The following SLC22A3 variants were observed in gnomAD, a reference collection of about 807,000 sequenced individuals.
SLC22A3 encodes the protein solute carrier family 22 member 3.
SLC22A3 carries 51 observed loss-of-function variants against 59.1 expected under a neutral mutation model. The observed-to-expected ratio is 0.86, with a 90% CI of 0.69 to 1.09. SLC22A3 has a LOEUF of 1.09. Among genes scored for constraint, SLC22A3 ranks in the 50% least tolerant of loss-of-function variants. The pLI is 0.00. For synonymous variants in SLC22A3, 325 were observed against 292.0 expected, an observed-to-expected ratio of 1.11 and a Z score of -1.15; for missense variants, 711 against 726.3, an observed-to-expected ratio of 0.98 and a Z score of 0.24.
At chr6:160,433,487 A>G (rs1430007690) in intron 5 of SLC22A3, among the ~76,000 whole-genome samples, 1 of 151,728 alleles carries the variant, frequency 6.6e-6, no homozygotes, top group Non-Finnish European at 1.5e-5. Context: ...GTTCAAGACC[A>G]GCCTGGGCAA....
intron 1 of SLC22A3, among the ~76,000 whole-genome samples, chr6:160,379,948 T>G (rs1435238543): frequency 6.6e-6 from 1 of 152,206 alleles, no homozygotes; most frequent in South Asian, 2.1e-4. Flanking sequence ...ATATAAGGTA[T>G]ACAAAATCAA....
intron 9 of SLC22A3, among the ~76,000 whole-genome samples, chr6:160,444,428 G>A (rs1419981428): frequency 6.6e-6 from 1 of 152,094 alleles, no homozygotes; most frequent in East Asian, 1.9e-4. Context: ...TCTCTCTATG[G>A]ATATCATATC....
intron 1 of SLC22A3, among the ~76,000 whole-genome samples, chr6:160,368,799 C>T (rs1025869890): frequency 2.0e-5 from 3 of 152,230 alleles, no homozygotes; most frequent in African/African-American, 4.8e-5. Flanking sequence ...ACCCCTGTGG[C>T]TGGCGCAGGT....
intron 5 of SLC22A3, chr6:160,426,013 G>A: frequency 1.0e-6 from 1 of 985,370 alleles, no homozygotes; most frequent in Non-Finnish European, 1.2e-6. Flanking sequence ...CCGCACAAAG[G>A]ACGTACCAGT....
chr6:160,375,097 ATG>A (rs1348069370), intron 1 of SLC22A3, among the ~76,000 whole-genome samples: 1 of 152,202 alleles, frequency 6.6e-6, no homozygotes, highest in East Asian at 1.9e-4. Context: ...TGGTAGCAGC[ATG>A]TCTTTCCAGA....
intron 2 of SLC22A3, among the ~76,000 whole-genome samples, chr6:160,400,678 A>G (rs1786736661): frequency 7.2e-6 from 1 of 139,040 alleles, no homozygotes; most frequent in African/African-American, 2.7e-5. Context: ...ACACACACAC[A>G]CAGTTGAAGA....
intron 5 of SLC22A3, among the ~76,000 whole-genome samples, chr6:160,413,434 C>A (rs77852081): frequency 0.042 from 6,359 of 152,246 alleles, 397 homozygotes; most frequent in African/African-American, 0.14. Flanking sequence ...AATCTCTATG[C>A]ATATCCCTCA....
At chr6:160,438,586 A>G (rs531057926) in intron 7 of SLC22A3, among the ~76,000 whole-genome samples, 2 of 68,170 alleles carry the variant, frequency 2.9e-5, no homozygotes, top group East Asian at 7.1e-4. Flanking sequence ...CGGAACACAC[A>G]CACACACACA....
intron 1 of SLC22A3, among the ~76,000 whole-genome samples, chr6:160,364,447 A>G (rs550491087): frequency 6.6e-6 from 1 of 152,352 alleles, no homozygotes; most frequent in African/African-American, 2.4e-5. Context: ...AGCGTTGACA[A>G]TAACTGCAGT....
At chr6:160,438,418 T>C (rs1362648183) in intron 7 of SLC22A3, among the ~76,000 whole-genome samples, 3 of 152,180 alleles carry the variant, frequency 2.0e-5, no homozygotes, top group Non-Finnish European at 4.4e-5. Flanking sequence ...CTGTCTTTCT[T>C]TGAGAATCCT....
At chr6:160,352,061 G>A (rs148251362) in intron 1 of SLC22A3, among the ~76,000 whole-genome samples, 4 of 152,034 alleles carry the variant, frequency 2.6e-5, no homozygotes, top group African/African-American at 4.8e-5. Context: ...TTCATTTTAC[G>A]GTGTCAGGAT....
intron 2 of SLC22A3, among the ~76,000 whole-genome samples, chr6:160,404,536 C>T (rs1485620188): frequency 6.6e-6 from 1 of 151,982 alleles, no homozygotes; most frequent in African/African-American, 2.4e-5. Flanking sequence ...TGTATATATT[C>T]AATACAATAC....
At chr6:160,425,644 A>G (rs1787924128) in intron 5 of SLC22A3, among the ~76,000 whole-genome samples, 1 of 152,190 alleles carries the variant, frequency 6.6e-6, no homozygotes, top group South Asian at 2.1e-4. Flanking sequence ...ACATGCATAT[A>G]AGACATGTCT....
At chr6:160,417,178 A>G (rs1787531858) in intron 5 of SLC22A3, among the ~76,000 whole-genome samples, 1 of 152,222 alleles carries the variant, frequency 6.6e-6, no homozygotes, top group Non-Finnish European at 1.5e-5. Flanking sequence ...ATTGCGCCCA[A>G]GGAGCAGAAG....
rs1392728473 is a variant in SLC22A3, at chr6:160,415,327, CA to C, written c.975+4482del. Among the ~76,000 whole-genome samples, 1 of 152,170 alleles carries C rather than the reference CA, an allele frequency of 6.6e-6. No individual in the cohort carries two copies. Among genetic ancestry groups the C allele is most frequent in the Non-Finnish European group, 1.5e-5 (1 of 68,036 alleles). Reference sequence around the variant, plus strand: ...CAGAAGGACTGGCCAGCAGGGTAGGCACTGTACTTGAACTCCAACCCCAAAA... The same window carrying C: ...CAGAAGGACTGGCCAGCAGGGTAGGCCTGTACTTGAACTCCAACCCCAAAA... On this transcript the variant is annotated intron_variant, in intron 5 of 10. Transcript: ENST00000275300. This position sits in a 1 kb window ranked among gnomAD's most constrained non-coding sequence, Gnocchi z 4.1.
In SLC22A3 at chr6:160,452,416, A is replaced by G. The variant is rs1466757013; in HGVS notation, c.*1360A>G. ...TCTATTTGTCGATGAAATAAACACAACTCTTTGAGGATTTGAGACTACATT... is the reference window on the plus strand; with the variant it reads ...TCTATTTGTCGATGAAATAAACACAGCTCTTTGAGGATTTGAGACTACATT... On this transcript the variant is annotated 3_prime_UTR_variant, in exon 11 of 11. Transcript: ENST00000275300. 1.3e-5 allele frequency: 2 copies of G among 151,858 alleles called. No homozygotes were observed. Among genetic ancestry groups the G allele is most frequent in the Non-Finnish European group, 1.5e-5 (1 of 67,954 alleles). 9.4% of individuals were successfully genotyped at this position (151,858 alleles called of 1,614,324 possible).
intron 1 of SLC22A3, among the ~76,000 whole-genome samples, chr6:160,391,590 C>G (rs575772430): frequency 1.3e-5 from 2 of 152,206 alleles, no homozygotes; most frequent in Admixed American, 6.5e-5. Flanking sequence ...GGCTGTCTGG[C>G]TCCAGAACTA....
At chr6:160,436,187 G>GGGTGT (rs1212224043) in intron 5 of SLC22A3, among the ~76,000 whole-genome samples, 1 of 152,178 alleles carries the variant, frequency 6.6e-6, no homozygotes, top group African/African-American at 2.4e-5. Flanking sequence ...GGGGATTGGG[G>GGGTGT]GGTGTCCTCT....
chr6:160,433,378 A>G (rs1788222960), intron 5 of SLC22A3, among the ~76,000 whole-genome samples: 1 of 152,208 alleles, frequency 6.6e-6, no homozygotes, highest in Non-Finnish European at 1.5e-5. Context: ...AAAAATCTAC[A>G]AATGTGTTTA....
Sources: gnomAD v4.1 joint callset for allele counts (sites outside exome capture counted in the v4.1 genomes callset) on GRCh38, gnomAD v4.1.1 for gene constraint, Gnocchi (gnomAD v3.1) non-coding constraint, MANE v1.5 for transcripts, NCBI Gene and HGNC (gene_info 2026-07-23, HGNC 2026-07-21) for gene names.